The following SFTPD variants were observed in gnomAD, a reference collection of about 807,000 sequenced individuals.
The protein encoded by SFTPD is pulmonary surfactant-associated protein D.
SFTPD carries 18 observed loss-of-function variants against 34.6 expected under a neutral mutation model. The ratio of observed to expected loss-of-function variants is 0.52; its 90% CI spans 0.36 to 0.77. The LOEUF (loss-of-function observed/expected upper bound fraction) is 0.77. Among genes scored for constraint, SFTPD ranks in the 30% least tolerant of loss-of-function variants. The probability of loss-of-function intolerance (pLI) is 0.00; values close to 1 mark genes in which losing one functional copy is unlikely to be tolerated. For missense variants in SFTPD, 433 were observed against 468.9 expected, an observed-to-expected ratio of 0.92 and a Z score of 0.71; for synonymous variants, 155 against 180.9, an observed-to-expected ratio of 0.86 and a Z score of 1.15.
At chr10:79,957,811 T>A (rs1842748693) in intron 1 of SFTPD, among the ~76,000 whole-genome samples, 1 of 152,074 alleles carries the variant, frequency 6.6e-6, no homozygotes, top group South Asian at 2.1e-4. Context: ...GCCACAAAGA[T>A]ACTCCTCGAG....
At chr10:79,940,605 CAGCCAAAGGTCT>C in intron 7 of SFTPD, 88 bp downstream of exon 7, 1 of 744,114 alleles carries the variant, frequency 1.3e-6, no homozygotes. Flanking sequence ...GCCTCAGGTC[CAGCCAAAGGTCT>C]AGCCCCAGCC....
chr10:79,938,805 C>T (rs1014278396), intron 7 of SFTPD, among the ~76,000 whole-genome samples: 10 of 152,176 alleles, frequency 6.6e-5, no homozygotes, highest in Admixed American at 5.9e-4. Context: ...CTGTCAGATG[C>T]TAATCTCTGC....
At chr10:79,948,255 C>T (rs1331719459) in intron 1 of SFTPD, among the ~76,000 whole-genome samples, 3 of 152,190 alleles carry the variant, frequency 2.0e-5, no homozygotes, top group Non-Finnish European at 4.4e-5. Flanking sequence ...TGTTCTGTGC[C>T]CCGCAGCTCC....
chr10:79,968,248 A>G (rs1259041425), intron 1 of SFTPD: 4 of 151,980 alleles, frequency 2.6e-5, no homozygotes, highest in African/African-American at 7.3e-5. Context: ...ACATGGGTAT[A>G]TTGTATGATG....
At chr10:79,982,174 C>T in intron 1 of SFTPD, 1 of 433,434 alleles carries the variant, frequency 2.3e-6, no homozygotes, top group Non-Finnish European at 3.8e-6. Flanking sequence ...ACATGGGCAC[C>T]AAGCAGAGGA....
At chr10:79,959,800 C>T (rs1259949839) in intron 1 of SFTPD, among the ~76,000 whole-genome samples, 1 of 152,118 alleles carries the variant, frequency 6.6e-6, no homozygotes, top group Non-Finnish European at 1.5e-5. Context: ...TTTTATGAGG[C>T]CAGCATCATC....
Position 79,946,793 on chromosome 10 carries a change from C to T in SFTPD, c.-3-131G>A, listed in dbSNP as rs1295651456. Reference sequence around the variant, plus strand: ...CTGTCCTCTGCTATGGGGCCTAGAGCAGCAGGAATCCAAAAGCAGTTTAAG... The same window carrying T: ...CTGTCCTCTGCTATGGGGCCTAGAGTAGCAGGAATCCAAAAGCAGTTTAAG... On this transcript the variant is annotated intron_variant, in intron 1 of 7. Transcript: ENST00000372292. 1.5e-5 allele frequency: 12 copies of T among 792,434 alleles called. No individual in the cohort carries two copies. In the East Asian group the frequency reaches 3.2e-4, roughly 21 times the overall value. The allele number at this position is 792,434 out of a possible 1,614,324, so 49.1% of individuals were successfully genotyped here. A position where few individuals can be genotyped will look rare whatever the true frequency, so the allele number is the denominator to read the frequency against.
At position 79,940,983 on chromosome 10, in the gene SFTPD, G is replaced by C. The variant is rs560618319; in HGVS notation, c.668-195C>G. ...ATGGTTCTGCTATGAACAAATTGCT[G>C]CCTGTACTTCACTGACACTGAACCA... On this transcript the variant is annotated intron_variant, in intron 6 of 7. Coordinates refer to ENST00000372292, the MANE Select transcript of SFTPD (RefSeq NM_003019.5). Among the ~76,000 whole-genome samples, 15 of 135,706 alleles carry C rather than the reference G, an allele frequency of 1.1e-4. No individual in the cohort carries two copies. The East Asian group carries it at 1.6e-3, about 14-fold the overall frequency. The allele number at this position is 135,706 out of a possible 152,430, so 89.0% of individuals were successfully genotyped here.
chr10:79,962,732 G>C (rs1438688077), intron 1 of SFTPD, among the ~76,000 whole-genome samples: 1 of 151,954 alleles, frequency 6.6e-6, no homozygotes, highest in Non-Finnish European at 1.5e-5. Flanking sequence ...CATTTTTTAA[G>C]GATCATATTA....
chr10:79,941,907 C>T, intron 5 of SFTPD, 47 bp downstream of exon 5: 1 of 1,241,424 alleles, frequency 8.1e-7, no homozygotes, highest in Non-Finnish European at 1.2e-6. Flanking sequence ...TCCAAGCAGG[C>T]ACAGGAGAAC....
intron 1 of SFTPD, among the ~76,000 whole-genome samples, chr10:79,975,802 G>C (rs1842861167): frequency 6.6e-6 from 1 of 152,228 alleles, no homozygotes; most frequent in Admixed American, 6.5e-5. Context: ...GGGAAAGGAA[G>C]GCATGGGCCC....
At chr10:79,977,127 G>A (rs1459565601) in intron 1 of SFTPD, among the ~76,000 whole-genome samples, 1 of 152,176 alleles carries the variant, frequency 6.6e-6, no homozygotes, top group Non-Finnish European at 1.5e-5. Context: ...AATACAGTGG[G>A]GAAGAAACTA....
rs1842571120 is a variant in SFTPD at position 79,937,833 on chromosome 10, C to G, written c.*19G>C. The G allele has an allele frequency of 6.6e-7, 1 of 1,525,442 alleles. No homozygotes were observed. The highest frequency in any genetic ancestry group is 8.8e-7 in the Non-Finnish European group (1 of 1,133,276). 94.5% of individuals were successfully genotyped at this position (1,525,442 alleles called of 1,614,324 possible). A position where few individuals can be genotyped will look rare whatever the true frequency, so the allele number is the denominator to read the frequency against. ...GCCAAACTCCTGGGCCAAGCACTGC[C>G]CCACCCACCCCAGTTGGCTCAGAAC... On this transcript the variant is annotated 3_prime_UTR_variant, in exon 8 of 8. Transcript: ENST00000372292.
chr10:79,942,174 A>C, intron 4 of SFTPD, 104 bp from the exon 5 acceptor site: 2 of 831,010 alleles, frequency 2.4e-6, no homozygotes, highest in Non-Finnish European at 3.9e-6. Context: ...GGTCAGAGAG[A>C]GAAGTGGGGA....
intron 1 of SFTPD, among the ~76,000 whole-genome samples, chr10:79,977,471 AACACACACAT>A (rs1324439054): frequency 1.3e-5 from 2 of 152,226 alleles, no homozygotes; most frequent in African/African-American, 4.8e-5. Context: ...AAACAACAAC[AACACACACAT>A]ACACACACAC....
intron 1 of SFTPD, among the ~76,000 whole-genome samples, chr10:79,965,536 T>A (rs1842798363): frequency 4.4e-5 from 1 of 22,932 alleles, no homozygotes; most frequent in African/African-American, 2.3e-4. Flanking sequence ...TCATTTTATT[T>A]TTCTTTTTTT....
intron 1 of SFTPD, among the ~76,000 whole-genome samples, chr10:79,955,640 A>G (rs1018834244): frequency 6.6e-6 from 1 of 152,342 alleles, no homozygotes; most frequent in African/African-American, 2.4e-5. Context: ...TTCTGCAACA[A>G]TTGTCAATGG....
At chr10:79,949,824 G>A (rs1352427189), upstream of SFTPD, among the ~76,000 whole-genome samples, 1 of 150,924 alleles carries the variant, frequency 6.6e-6, no homozygotes. Context: ...CTGAGCTGAT[G>A]CTACTTTTAT....
chr10:79,959,280 G>C (rs1286292652), intron 1 of SFTPD, among the ~76,000 whole-genome samples: 2 of 151,474 alleles, frequency 1.3e-5, no homozygotes, highest in Admixed American at 1.3e-4. Context: ...CAGAAGGCAA[G>C]AAATAACTAA....
Sources: gnomAD v4.1 joint callset for allele counts (sites outside exome capture counted in the v4.1 genomes callset) on GRCh38, gnomAD v4.1.1 for gene constraint, MANE v1.5 for transcripts, NCBI Gene and HGNC (gene_info 2026-07-23, HGNC 2026-07-21) for gene names.